The following DYRK1A variants were observed in gnomAD, a reference collection of about 807,000 sequenced individuals.
The protein encoded by DYRK1A is dual specificity tyrosine phosphorylation regulated kinase 1A.
In DYRK1A, 9 loss-of-function variants were observed where a neutral mutation model predicts 79.7. That is an observed-to-expected ratio of 0.11 (90% confidence interval 0.07 to 0.20). DYRK1A has a LOEUF of 0.20. Ranked by LOEUF, DYRK1A falls within the 10% of genes least tolerant of loss-of-function variation. The pLI is 1.00. For synonymous variants in DYRK1A, 349 were observed against 329.7 expected, an observed-to-expected ratio of 1.06 and a Z score of -0.63; for missense variants, 622 against 956.0, an observed-to-expected ratio of 0.65 and a Z score of 4.61.
In DYRK1A at chr21:37,381,277, A is replaced by G. The variant is rs73413125; in HGVS notation, c.-77+13649A>G. On this transcript the variant is annotated intron_variant, in intron 1 of 11. Coordinates refer to ENST00000647188, the MANE Select transcript of DYRK1A (RefSeq NM_001347721.2). ...AATATGAGAGCTTTGAGGAAAAAGG[A>G]AAAGATGAAGTTTTTTAAAGATAGG... Among the ~76,000 whole-genome samples, 682 of 152,344 alleles carry G rather than the reference A, an allele frequency of 4.5e-3. 4 individuals are homozygous for G. Among genetic ancestry groups the G allele is most frequent in the African/African-American group, 0.015 (639 of 41,574 alleles).
In DYRK1A at chr21:37,426,364, G is replaced by A. The variant is rs534377145; in HGVS notation, c.10+5980G>A. Among the ~76,000 whole-genome samples the A allele has an allele frequency of 1.4e-4, 21 of 152,162 alleles. No homozygotes were observed. The East Asian group carries it at 2.9e-3, about 21-fold the overall frequency. On this transcript the variant is annotated intron_variant, in intron 2 of 11. Transcript: ENST00000647188. Reference sequence around the variant, plus strand: ...TTATAAGAGAAAAGCATAAGGAGCCGAATATTATTACTGCAGACAATGAAA... The same window carrying A: ...TTATAAGAGAAAAGCATAAGGAGCCAAATATTATTACTGCAGACAATGAAA...
At chr21:37,408,113 T>C (rs757107096) in intron 1 of DYRK1A, among the ~76,000 whole-genome samples, 1 of 152,230 alleles carries the variant, frequency 6.6e-6, no homozygotes, top group East Asian at 1.9e-4. Context: ...TTAACCCTTT[T>C]CCCTTTCCCA....
At chr21:37,398,113 A>G (rs950515509) in intron 1 of DYRK1A, among the ~76,000 whole-genome samples, 1 of 147,602 alleles carries the variant, frequency 6.8e-6, no homozygotes, top group Non-Finnish European at 1.5e-5. Context: ...ATTTTTGTAT[A>G]TTTTATATTT....
chr21:37,396,092 A>G (rs1014114323), intron 1 of DYRK1A, among the ~76,000 whole-genome samples: 2 of 152,082 alleles, frequency 1.3e-5, no homozygotes, highest in Admixed American at 6.5e-5. Flanking sequence ...CAGTAGGTGA[A>G]GTGGGTGGAC....
Position 37,495,538 on chromosome 21 carries a change from A to G in DYRK1A, c.1072-580A>G, listed in dbSNP as rs1032338819. ...TCCCAGTTACTCAGGAGGCTGAGGC[A>G]GGAGAATTGCCTGAACCTGGGAGGT... On this transcript the variant is annotated intron_variant, in intron 8 of 11. Transcript: ENST00000647188. Among the ~76,000 whole-genome samples the G allele has an allele frequency of 2.6e-5, 4 of 152,242 alleles. No individual in the cohort carries two copies. The East Asian group carries it at 5.8e-4, about 22-fold the overall frequency.
At chr21:37,381,040 A>G (rs548547838) in intron 1 of DYRK1A, among the ~76,000 whole-genome samples, 17 of 152,226 alleles carry the variant, frequency 1.1e-4, no homozygotes, top group African/African-American at 3.9e-4. Flanking sequence ...TTTAGTGCTT[A>G]TTTGATTAAT....
intron 2 of DYRK1A, among the ~76,000 whole-genome samples, chr21:37,457,961 C>T (rs936709123): frequency 6.6e-6 from 1 of 152,186 alleles, no homozygotes; most frequent in Non-Finnish European, 1.5e-5. Context: ...CCTTCAGACA[C>T]TTCTTAAAAT....
At chr21:37,508,428 C>T (rs1435497115) in intron 11 of DYRK1A, among the ~76,000 whole-genome samples, 1 of 152,206 alleles carries the variant, frequency 6.6e-6, no homozygotes, top group East Asian at 1.9e-4. Flanking sequence ...GCTGGGATTA[C>T]AGACGCACAT....
intron 2 of DYRK1A, among the ~76,000 whole-genome samples, chr21:37,450,178 C>G (rs555624307): frequency 3.9e-5 from 6 of 152,164 alleles, no homozygotes; most frequent in Non-Finnish European, 8.8e-5. Flanking sequence ...ATTGTCAAAA[C>G]TTTGGTCACT....
intron 8 of DYRK1A, among the ~76,000 whole-genome samples, chr21:37,494,729 C>G (rs1173777366): frequency 6.6e-6 from 1 of 151,842 alleles, no homozygotes; most frequent in Non-Finnish European, 1.5e-5. Flanking sequence ...AGGCAGATCA[C>G]TTGAGGTCAG....
chr21:37,471,753 G>A (rs985075612), intron 2 of DYRK1A, among the ~76,000 whole-genome samples: 1 of 152,114 alleles, frequency 6.6e-6, no homozygotes, highest in African/African-American at 2.4e-5. Flanking sequence ...GGTAGAAGTC[G>A]GAAGTATTTT....
At chr21:37,454,943 G>A (rs2051585533) in intron 2 of DYRK1A, among the ~76,000 whole-genome samples, 1 of 151,526 alleles carries the variant, frequency 6.6e-6, no homozygotes, top group South Asian at 2.1e-4. Flanking sequence ...ATATTCCTGA[G>A]TGTGCTGTGC....
chr21:37,436,221 A>G (rs1365097590), intron 2 of DYRK1A, among the ~76,000 whole-genome samples: 1 of 152,210 alleles, frequency 6.6e-6, no homozygotes, highest in Non-Finnish European at 1.5e-5. Flanking sequence ...GGTTTTAAAT[A>G]TCACTTAGGT....
At position 37,490,522 on chromosome 21, in the gene DYRK1A, T is replaced by C. The variant is rs2053051135; in HGVS notation, c.924+61T>C. Reference sequence around the variant, plus strand: ...AATTAAATAGAAGTAGGTAGGACAGTGTAGGTATTAGGTTGGCGCAAAAGT... The same window carrying C: ...AATTAAATAGAAGTAGGTAGGACAGCGTAGGTATTAGGTTGGCGCAAAAGT... On this transcript the variant is annotated intron_variant, in intron 7 of 11. Coordinates refer to ENST00000647188, the MANE Select transcript of DYRK1A (RefSeq NM_001347721.2). 2.7e-6 allele frequency: 4 copies of C among 1,480,476 alleles called. No homozygotes were observed. The Admixed American group carries it at 6.8e-5, about 25-fold the overall frequency. 91.7% of individuals were successfully genotyped at this position (1,480,476 alleles called of 1,614,324 possible).
intron 5 of DYRK1A, among the ~76,000 whole-genome samples, chr21:37,482,385 A>T (rs186363007): frequency 8.0e-4 from 122 of 152,194 alleles, no homozygotes; most frequent in Non-Finnish European, 1.3e-3. Context: ...GAGACATCAC[A>T]TGTCGGTAGG....
intron 1 of DYRK1A, among the ~76,000 whole-genome samples, chr21:37,403,881 T>G (rs2148404767): frequency 6.6e-6 from 1 of 152,040 alleles, no homozygotes; most frequent in African/African-American, 2.4e-5. Flanking sequence ...AGGCTTGGTT[T>G]TATACTTTAT....
chr21:37,382,023 G>A (rs996427633), intron 1 of DYRK1A, among the ~76,000 whole-genome samples: 4 of 151,880 alleles, frequency 2.6e-5, no homozygotes, highest in African/African-American at 9.7e-5. Flanking sequence ...GCTTATAAAG[G>A]GATATGTTTG....
At chr21:37,453,333 T>C (rs967069859) in intron 2 of DYRK1A, among the ~76,000 whole-genome samples, 2 of 152,228 alleles carry the variant, frequency 1.3e-5, no homozygotes, top group Non-Finnish European at 1.5e-5. Flanking sequence ...TGACTATTGT[T>C]GACTGCATTG....
intron 1 of DYRK1A, among the ~76,000 whole-genome samples, chr21:37,408,484 A>C (rs1219138698): frequency 6.6e-6 from 1 of 152,240 alleles, no homozygotes. Context: ...CTCCTTTTAG[A>C]AAAGAGACTT....
Sources: gnomAD v4.1 joint callset for allele counts (sites outside exome capture counted in the v4.1 genomes callset) on GRCh38, gnomAD v4.1.1 for gene constraint, MANE v1.5 for transcripts, NCBI Gene and HGNC (gene_info 2026-07-23, HGNC 2026-07-21) for gene names.